Variants in TEC observed in about 807,000 individuals in gnomAD.
The protein encoded by TEC is tyrosine-protein kinase Tec.
Under a neutral mutation model 93.0 loss-of-function variants are expected in TEC, and 72 were observed. That is an observed-to-expected ratio of 0.77 (90% CI 0.64 to 0.94). TEC has a LOEUF of 0.94. Among genes scored for constraint, TEC ranks in the 40% least tolerant of loss-of-function variants. TEC has a pLI of 0.00. For missense variants in TEC, 630 were observed against 757.9 expected (o/e 0.83, Z 1.98); for synonymous variants, 249 against 247.7 (o/e 1.01, Z -0.05).
intron 9 of TEC, among the ~76,000 whole-genome samples, chr4:48,155,027 AC>A (rs970008071): frequency 1.1e-4 from 16 of 152,208 alleles, no homozygotes; most frequent in Admixed American, 1.0e-3. Flanking sequence ...CCTTGGCTCA[AC>A]CCCCTACTGG....
chr4:48,165,008 C>T (rs550258612), intron 7 of TEC, among the ~76,000 whole-genome samples: 1 of 151,526 alleles, frequency 6.6e-6, no homozygotes, highest in Non-Finnish European at 1.5e-5. Flanking sequence ...GAGACTCCAT[C>T]TCAAAAAAAA....
intron 6 of TEC, 141 bp from the exon 7 acceptor site, chr4:48,168,094 G>A: frequency 1.4e-6 from 1 of 720,252 alleles, no homozygotes. Context: ...AAACTCTCAT[G>A]AAGAAGAGTA....
intron 5 of TEC, among the ~76,000 whole-genome samples, chr4:48,169,834 G>A (rs941881444): frequency 1.3e-5 from 2 of 152,178 alleles, no homozygotes; most frequent in African/African-American, 4.8e-5. Context: ...CTAACAGACT[G>A]AAGCCACTAC....
intron 4 of TEC, among the ~76,000 whole-genome samples, chr4:48,170,907 C>T (rs537702053): frequency 2.6e-5 from 4 of 152,026 alleles, no homozygotes; most frequent in East Asian, 1.9e-4. Context: ...AAAAATTAGC[C>T]GGGCATGGTG....
chr4:48,200,754 C>T (rs986335333), intron 2 of TEC, among the ~76,000 whole-genome samples: 3 of 152,226 alleles, frequency 2.0e-5, no homozygotes, highest in African/African-American at 7.2e-5. Context: ...GATGTCCCTT[C>T]TTGCTTTTCT....
chr4:48,265,160 A>C (rs903962289), intron 1 of TEC, among the ~76,000 whole-genome samples: 10 of 152,106 alleles, frequency 6.6e-5, no homozygotes, highest in Non-Finnish European at 1.5e-4. Context: ...ACTATAAAAC[A>C]AAAACCAGAA....
chr4:48,259,001 G>T (rs553639193), intron 1 of TEC, among the ~76,000 whole-genome samples: 3 of 152,074 alleles, frequency 2.0e-5, no homozygotes, highest in African/African-American at 7.2e-5. Flanking sequence ...TAAATTTACC[G>T]TGAGTCTAAG....
At chr4:48,225,966 G>C (rs935083370) in intron 2 of TEC, among the ~76,000 whole-genome samples, 4 of 152,054 alleles carry the variant, frequency 2.6e-5, no homozygotes, top group African/African-American at 9.7e-5. Context: ...AAGTGTTAGA[G>C]GCTGGGTTTT....
At chr4:48,248,433 T>C (rs759150502) in intron 1 of TEC, among the ~76,000 whole-genome samples, 9 of 152,160 alleles carry the variant, frequency 5.9e-5, no homozygotes, top group Non-Finnish European at 1.0e-4. Flanking sequence ...ACACAGCACA[T>C]TGCATGTCTC....
rs1719421202 is a variant in TEC, at chr4:48,136,406, T to C, written c.*1010A>G. ...CAGCTCAGGCTGCTTCCGGGTCCTATGTGAGGTGGGGGCAAACTTTGTTGC... is the reference window on the plus strand; with the variant it reads ...CAGCTCAGGCTGCTTCCGGGTCCTACGTGAGGTGGGGGCAAACTTTGTTGC... On this transcript the variant is annotated 3_prime_UTR_variant, in exon 18 of 18. Transcript: ENST00000381501. 1 of 152,314 alleles carries C rather than the reference T, an allele frequency of 6.6e-6. No individual in the cohort carries two copies. The highest frequency in any genetic ancestry group is 1.5e-5 in the Non-Finnish European group (1 of 68,120). 9.4% of individuals were successfully genotyped at this position (152,314 alleles called of 1,614,324 possible). A position where few individuals can be genotyped will look rare whatever the true frequency, so the allele number is the denominator to read the frequency against.
At chr4:48,194,586 C>T (rs1233172949) in intron 2 of TEC, among the ~76,000 whole-genome samples, 1 of 152,122 alleles carries the variant, frequency 6.6e-6, no homozygotes, top group Non-Finnish European at 1.5e-5. Flanking sequence ...TCAGCCATAC[C>T]AGGTAAAGTT....
chr4:48,193,137 C>G (rs1255633394), intron 2 of TEC, among the ~76,000 whole-genome samples: 1 of 149,680 alleles, frequency 6.7e-6, no homozygotes, highest in Non-Finnish European at 1.5e-5. Flanking sequence ...TTGTAGCCAC[C>G]ACTTTTTCTT....
chr4:48,216,706 A>T (rs1227707360), intron 2 of TEC, among the ~76,000 whole-genome samples: 1 of 152,230 alleles, frequency 6.6e-6, no homozygotes, highest in Non-Finnish European at 1.5e-5. Flanking sequence ...TTCAGTGGAA[A>T]AATAGCTAAA....
At chr4:48,171,894 C>T (rs1721128720) in intron 3 of TEC, among the ~76,000 whole-genome samples, 1 of 152,222 alleles carries the variant, frequency 6.6e-6, no homozygotes, top group African/African-American at 2.4e-5. Flanking sequence ...GTGTGCTTTA[C>T]AGACCTTAAC....
At chr4:48,190,347 C>T (rs1479282968) in intron 2 of TEC, among the ~76,000 whole-genome samples, 1 of 152,188 alleles carries the variant, frequency 6.6e-6, no homozygotes, top group South Asian at 2.1e-4. Context: ...TATCATTACA[C>T]ATTAGCAAAA....
At chr4:48,220,304 GT>G (rs1385615259) in intron 2 of TEC, among the ~76,000 whole-genome samples, 4 of 151,870 alleles carry the variant, frequency 2.6e-5, no homozygotes, top group African/African-American at 9.7e-5. Flanking sequence ...GTTTGATATG[GT>G]TTGGATATTT....
intron 2 of TEC, among the ~76,000 whole-genome samples, chr4:48,182,268 G>C (rs1038706320): frequency 2.1e-5 from 3 of 140,512 alleles, no homozygotes; most frequent in Non-Finnish European, 4.5e-5. Context: ...CTAGGTGACA[G>C]AGCGAGACTC....
chr4:48,213,884 T>G (rs1722989761), intron 2 of TEC, among the ~76,000 whole-genome samples: 1 of 152,076 alleles, frequency 6.6e-6, no homozygotes, highest in Non-Finnish European at 1.5e-5. Flanking sequence ...GAAAAAAAAT[T>G]TCTGGGTGTG....
intron 15 of TEC, 140 bp downstream of exon 15, chr4:48,141,215 T>A: frequency 2.9e-6 from 2 of 700,142 alleles, no homozygotes; most frequent in Non-Finnish European, 4.9e-6. Flanking sequence ...ATTACTACCA[T>A]CACAATATAT....
Sources: allele counts gnomAD v4.1 joint callset (sites outside exome capture counted in the v4.1 genomes callset), GRCh38; gene constraint gnomAD v4.1.1; transcripts MANE v1.5; gene names NCBI Gene and HGNC (gene_info 2026-07-23, HGNC 2026-07-21).